Variants in CAPN5 observed in about 807,000 individuals in gnomAD.
The protein encoded by CAPN5 is calpain 5, also known as calpain-5.
A neutral mutation model predicts 73.0 loss-of-function variants in CAPN5; 54 were observed. The observed-to-expected ratio is 0.74, with a 90% confidence interval of 0.59 to 0.93. The LOEUF (loss-of-function observed/expected upper bound fraction) is 0.93, where lower values mean the gene tolerates loss of function less well. Ranked by LOEUF, CAPN5 falls within the 40% of genes least tolerant of loss-of-function variation. The probability of loss-of-function intolerance (pLI) is 0.00; values close to 1 mark genes in which losing one functional copy is unlikely to be tolerated. For synonymous variants in CAPN5, 335 were observed against 356.9 expected (o/e 0.94, Z 0.69); for missense variants, 785 against 882.9 (o/e 0.89, Z 1.41).
chr11:77,067,778 G>A (rs575599314), intron 1 of CAPN5, among the ~76,000 whole-genome samples: 1 of 151,866 alleles, frequency 6.6e-6, no homozygotes, highest in Non-Finnish European at 1.5e-5. Flanking sequence ...GACTGGCCTA[G>A]GGGACCAGAG....
chr11:77,098,577 C>A (rs1333938474), intron 3 of CAPN5, among the ~76,000 whole-genome samples: 2 of 58,418 alleles, frequency 3.4e-5, no homozygotes, highest in Admixed American at 2.8e-4. Context: ...CCCTCCCGGA[C>A]GGGGCGGCTG....
intron 3 of CAPN5, among the ~76,000 whole-genome samples, chr11:77,096,721 G>C (rs1950212593): frequency 6.6e-6 from 1 of 152,256 alleles, no homozygotes; most frequent in African/African-American, 2.4e-5. Context: ...CACCTCTCTG[G>C]AGCCTGGAGC....
intron 3 of CAPN5, among the ~76,000 whole-genome samples, chr11:77,107,841 G>C (rs782461410): frequency 6.6e-6 from 1 of 152,216 alleles, no homozygotes; most frequent in Non-Finnish European, 1.5e-5. Context: ...GAAGGAGGTT[G>C]ACCAGGTCAT....
intron 1 of CAPN5, among the ~76,000 whole-genome samples, chr11:77,072,289 G>A (rs984556850): frequency 1.4e-4 from 22 of 152,140 alleles, no homozygotes; most frequent in African/African-American, 4.3e-4. Context: ...TTGAGATCCC[G>A]TTTTGTTGCT....
rs1950459079 is a variant in CAPN5 at position 77,115,579 on chromosome 11, G to A, written c.884G>A (p.Trp295Ter). 1 of 1,608,374 alleles carries A rather than the reference G, an allele frequency of 6.2e-7. No individual in the cohort carries two copies. Among genetic ancestry groups the A allele is most frequent in the African/African-American group, 1.3e-5 (1 of 74,842 alleles). ...PWGEREWNGP[W>*]SDTSEEWQKV... ...GGCGAGCGGGAGTGGAACGGGCCCT[G>A]GAGTGACACGTGAGGCCTGGGGATG... The change falls in exon 6 of 13, where the codon TGG becomes TAG. Residue 295 changes from tryptophan (W) to a stop codon, truncating the protein, a stop_gained. Transcript: ENST00000648180. LOFTEE classifies it high-confidence loss of function.
intron 1 of CAPN5, among the ~76,000 whole-genome samples, chr11:77,081,198 A>G (rs145374193): frequency 9.8e-4 from 149 of 152,338 alleles, no homozygotes; most frequent in African/African-American, 3.6e-3. Context: ...AGCAGGGCCC[A>G]GGTTAGCACT....
At chr11:77,098,166 A>AG (rs1407278676) in intron 3 of CAPN5, among the ~76,000 whole-genome samples, 5 of 58,296 alleles carry the variant, frequency 8.6e-5, no homozygotes, top group African/African-American at 5.9e-4. Flanking sequence ...ACTTCCCAGT[A>AG]GGGGCGGCCG....
intron 3 of CAPN5, among the ~76,000 whole-genome samples, chr11:77,096,146 G>A (rs1272918757): frequency 1.3e-5 from 2 of 152,088 alleles, no homozygotes; most frequent in Non-Finnish European, 2.9e-5. Context: ...GAAGGGCAGT[G>A]GGGGGGCTGC....
chr11:77,079,172 T>TA (rs1950003717), intron 1 of CAPN5, among the ~76,000 whole-genome samples: 1 of 151,278 alleles, frequency 6.6e-6, no homozygotes, highest in African/African-American at 2.4e-5. Flanking sequence ...TTATTATTAT[T>TA]TTTCCCTAGA....
chr11:77,091,778 C>A lies in CAPN5; in HGVS notation c.166-1904C>A, dbSNP rs532764474. On this transcript the variant is annotated intron_variant, in intron 2 of 12. Coordinates refer to ENST00000648180, the MANE Select transcript of CAPN5 (RefSeq NM_004055.5). ...GCTGAGGGAACACAGGGTGAGCTGA[C>A]CCTTCCTGGTTGCATCTCTTGGTGC... Among the ~76,000 whole-genome samples, 129 of 152,328 alleles carry A rather than the reference C, an allele frequency of 8.5e-4. 1 individual carries two copies. Among genetic ancestry groups the A allele is most frequent in the African/African-American group, 3.0e-3 (123 of 41,574 alleles).
chr11:77,075,560 C>A (rs1034398814), intron 1 of CAPN5, among the ~76,000 whole-genome samples: 12 of 152,342 alleles, frequency 7.9e-5, no homozygotes, highest in African/African-American at 2.4e-4. Context: ...TAGGTCAGCC[C>A]ACCTAGGTAT....
chr11:77,093,848 G>A, intron 3 of CAPN5, 35 bp downstream of exon 3: 1 of 1,600,032 alleles, frequency 6.2e-7, no homozygotes. Context: ...GGGTGCTGGG[G>A]AGTGTGAACG....
intron 3 of CAPN5, among the ~76,000 whole-genome samples, chr11:77,101,628 C>T (rs1373398022): frequency 2.0e-5 from 3 of 152,190 alleles, no homozygotes; most frequent in African/African-American, 4.8e-5. Context: ...CACCATCTCA[C>T]AATTGACCGT....
At chr11:77,103,814 C>G (rs114927569) in intron 3 of CAPN5, among the ~76,000 whole-genome samples, 1 of 152,336 alleles carries the variant, frequency 6.6e-6, no homozygotes, top group East Asian at 1.9e-4. Flanking sequence ...TGCCCTTTGC[C>G]GGAGCCTGTG....
intron 1 of CAPN5, chr11:77,071,499 C>A (rs2135404284): frequency 2.6e-6 from 1 of 382,584 alleles, no homozygotes; most frequent in Non-Finnish European, 5.6e-6. Context: ...GCTGGGGAGT[C>A]CCGCTTTACA....
intron 2 of CAPN5, among the ~76,000 whole-genome samples, chr11:77,092,849 C>G (rs1403439218): frequency 6.6e-6 from 1 of 152,162 alleles, no homozygotes; most frequent in Non-Finnish European, 1.5e-5. Context: ...TGCCTGTAAT[C>G]CCAGCTACTC....
chr11:77,094,462 C>G (rs1483130908), intron 3 of CAPN5, among the ~76,000 whole-genome samples: 2 of 152,254 alleles, frequency 1.3e-5, no homozygotes, highest in Non-Finnish European at 2.9e-5. Context: ...CCTCCTATCC[C>G]AGCACTTGGC....
At chr11:77,092,573 G>A (rs570420128) in intron 2 of CAPN5, among the ~76,000 whole-genome samples, 86 of 152,396 alleles carry the variant, frequency 5.6e-4, no homozygotes, top group African/African-American at 2.0e-3. Context: ...GAGCCTGAGA[G>A]CAGCCAGTTG....
chr11:77,122,852 T>A, intron 12 of CAPN5, 140 bp downstream of exon 12: 1 of 1,095,910 alleles, frequency 9.1e-7, no homozygotes, highest in Non-Finnish European at 1.3e-6. Context: ...CCCTGACCCC[T>A]GGTGTGGCTT....
Sources: allele counts gnomAD v4.1 joint callset (sites outside exome capture counted in the v4.1 genomes callset), GRCh38; gene constraint gnomAD v4.1.1; transcripts MANE v1.5; gene names NCBI Gene and HGNC (gene_info 2026-07-23, HGNC 2026-07-21).